POMGNT1: variants seen among roughly 807,000 people sequenced by gnomAD.
The protein encoded by POMGNT1 is protein O-linked-mannose beta-1,2-N-acetylglucosaminyltransferase 1.
POMGNT1 carries 67 observed loss-of-function variants against 95.6 expected under a neutral mutation model. The ratio of observed to expected loss-of-function variants is 0.70; its 90% confidence interval spans 0.58 to 0.86. POMGNT1 has a LOEUF of 0.86. Among genes scored for constraint, POMGNT1 ranks in the 40% least tolerant of loss-of-function variants. The probability of loss-of-function intolerance (pLI) is 0.00; values close to 1 mark genes in which losing one functional copy is unlikely to be tolerated. For synonymous variants in POMGNT1, 298 were observed against 317.9 expected, an observed-to-expected ratio of 0.94 and a Z score of 0.66; for missense variants, 719 against 855.2, an observed-to-expected ratio of 0.84 and a Z score of 1.99.
At chr1:46,217,540 A>AGGGGAGT (rs1659104157) in intron 1 of POMGNT1, among the ~76,000 whole-genome samples, 1 of 152,130 alleles carries the variant, frequency 6.6e-6, no homozygotes, top group African/African-American at 2.4e-5. Context: ...TCTGTATGGC[A>AGGGGAGT]GGGGAGTGGG....
chr1:46,212,253 A>G (rs1318448794), intron 1 of POMGNT1, among the ~76,000 whole-genome samples: 1 of 151,904 alleles, frequency 6.6e-6, no homozygotes, highest in Non-Finnish European at 1.5e-5. Flanking sequence ...TCAATGTCAG[A>G]CCATGTATAA....
At chr1:46,210,272 G>C (rs1267571086) in intron 1 of POMGNT1, among the ~76,000 whole-genome samples, 1 of 152,058 alleles carries the variant, frequency 6.6e-6, no homozygotes, top group African/African-American at 2.4e-5. Flanking sequence ...AACTGTGTGT[G>C]TGTGTTTTTT....
chr1:46,190,041 G>A lies in POMGNT1; in HGVS notation c.1650-52C>T, dbSNP rs560169114. ...CCAAGACAGGGCCCACTTCATGGGTGTGTCCCACAGGACCCTGTACTTGGT... is the reference window on the plus strand; with the variant it reads ...CCAAGACAGGGCCCACTTCATGGGTATGTCCCACAGGACCCTGTACTTGGT... On this transcript the variant is annotated intron_variant, in intron 19 of 21. Transcript: ENST00000371984. The A allele has an allele frequency of 3.1e-6, 5 of 1,604,686 alleles. No homozygotes were observed. The East Asian group carries it at 6.7e-5, about 22-fold the overall frequency.
rs1557674387 is a variant in POMGNT1, at chr1:46,193,931, G to A, written c.880-6C>T. On this transcript the variant is annotated splice_polypyrimidine_tract_variant and splice_region_variant and intron_variant, in intron 9 of 21. Coordinates refer to ENST00000371984, the MANE Select transcript of POMGNT1 (RefSeq NM_017739.4). Reference sequence around the variant, plus strand: ...AGGACCTTGTTGTCTGGGAGCTGTGGGAGAAATAGCGTTTAGCTCTTGCCT... The same window carrying A: ...AGGACCTTGTTGTCTGGGAGCTGTGAGAGAAATAGCGTTTAGCTCTTGCCT... 2 of 1,614,098 alleles carry A rather than the reference G, an allele frequency of 1.2e-6. No individual in the cohort carries two copies. Among genetic ancestry groups the A allele is most frequent in the Middle Eastern group, 1.7e-4 (1 of 6,060 alleles).
intron 2 of POMGNT1, chr1:46,197,501 G>T: frequency 1.3e-6 from 2 of 1,494,756 alleles, no homozygotes; most frequent in Non-Finnish European, 1.8e-6. Flanking sequence ...CAGAAGCTTA[G>T]AAGTTGTACT....
In POMGNT1 at chr1:46,193,335, G is replaced by T; in HGVS notation, c.1080C>A (p.Pro360=). 6.2e-7 allele frequency: 1 copy of T among 1,613,682 alleles called. No homozygotes were observed. The highest frequency in any genetic ancestry group is 8.5e-7 in the Non-Finnish European group (1 of 1,179,826). The part of the protein sequence containing the change: ...LFGLRGIQHT[P]ISIKNARVSQ... ...ACACGCGGGCATTCTTGATGCTGAT[G>T]GGAGTATGCTGGATGCCCCTCAGAC... is the stretch of plus-strand genomic sequence containing the variant. Residue 360 remains proline (P), a synonymous_variant, in exon 12 of 22, where the codon CCC becomes CCA. Transcript: ENST00000371984.
rs770989782 is a variant in POMGNT1, at chr1:46,192,215, A to G, written c.1422T>C (p.Asp474=). 1.7e-5 allele frequency: 27 copies of G among 1,614,032 alleles called. No individual in the cohort carries two copies. Among genetic ancestry groups the G allele is most frequent in the South Asian group, 4.4e-5 (4 of 91,090 alleles). Residue 474 remains aspartate (D), a synonymous_variant, in exon 17 of 22, where the codon GAT becomes GAC. Transcript: ENST00000371984. ...PKWPTPEKLW[D]WDMWMRMPEQ... is the part of the protein sequence containing the mutation. The stretch of plus-strand genomic sequence containing the variant: ...CAGGCATCCGCATCCACATGTCCCA[A>G]TCCCAGAGCTGGCAGACATGGACCA...
At chr1:46,216,660 C>T (rs1281795928) in intron 1 of POMGNT1, among the ~76,000 whole-genome samples, 1 of 151,990 alleles carries the variant, frequency 6.6e-6, no homozygotes, top group African/African-American at 2.4e-5. Flanking sequence ...ATTTTAGATT[C>T]GGAGGGGGGT....
At chr1:46,215,021 T>C (rs760808509) in intron 1 of POMGNT1, among the ~76,000 whole-genome samples, 3 of 151,580 alleles carry the variant, frequency 2.0e-5, no homozygotes, top group African/African-American at 7.3e-5. Context: ...GGTCAGGAGA[T>C]TGAAACCATC....
rs749131264 is a variant in POMGNT1 at position 46,195,929 on chromosome 1, C to T, written c.421-5G>A. 9 of 1,613,988 alleles carry T rather than the reference C, an allele frequency of 5.6e-6. No homozygotes were observed. In the East Asian group the frequency reaches 1.1e-4, roughly 20 times the overall value. On this transcript the variant is annotated splice_polypyrimidine_tract_variant and splice_region_variant and intron_variant, in intron 5 of 21. Transcript: ENST00000371984. The stretch of plus-strand genomic sequence containing the variant: ...ACGTTTTGCCATCACGTGGCCCTGG[C>T]AGGGGATATACTTCTGGTGAGTTGG...
At chr1:46,218,829 C>G (rs1659144554) in intron 1 of POMGNT1, among the ~76,000 whole-genome samples, 1 of 151,916 alleles carries the variant, frequency 6.6e-6, no homozygotes, top group South Asian at 2.1e-4. Flanking sequence ...TCTGGCCAAC[C>G]CTTTCCCCTC....
At chr1:46,213,834 A>G (rs1658978222) in intron 1 of POMGNT1, among the ~76,000 whole-genome samples, 1 of 152,094 alleles carries the variant, frequency 6.6e-6, no homozygotes, top group Admixed American at 6.6e-5. Flanking sequence ...AGAGTGGTAT[A>G]ATATGGGGAA....
intron 10 of POMGNT1, 53 bp downstream of exon 10, chr1:46,193,802 T>C: frequency 6.2e-7 from 1 of 1,610,246 alleles, no homozygotes; most frequent in South Asian, 1.1e-5. Context: ...TGGAGGTAGA[T>C]GACCTAAGCA....
chr1:46,197,351 G>A (rs1245270191), intron 2 of POMGNT1: 1 of 1,481,892 alleles, frequency 6.7e-7, no homozygotes, highest in African/African-American at 1.4e-5. Context: ...GATTTCCTTG[G>A]TCCCCTCCAT....
In POMGNT1 at chr1:46,195,930, A is replaced by G; in HGVS notation, c.421-6T>C. 6.2e-7 allele frequency: 1 copy of G among 1,614,144 alleles called. No homozygotes were observed. Among genetic ancestry groups the G allele is most frequent in the Non-Finnish European group, 8.5e-7 (1 of 1,180,010 alleles). On this transcript the variant is annotated splice_polypyrimidine_tract_variant and splice_region_variant and intron_variant, in intron 5 of 21. Coordinates refer to ENST00000371984, the MANE Select transcript of POMGNT1 (RefSeq NM_017739.4). Reference sequence around the variant, plus strand: ...CGTTTTGCCATCACGTGGCCCTGGCAGGGGATATACTTCTGGTGAGTTGGT... The same window carrying G: ...CGTTTTGCCATCACGTGGCCCTGGCGGGGGATATACTTCTGGTGAGTTGGT...
chr1:46,213,188 G>A (rs916085515), intron 1 of POMGNT1, among the ~76,000 whole-genome samples: 5 of 151,086 alleles, frequency 3.3e-5, no homozygotes, highest in South Asian at 2.1e-4. Flanking sequence ...GTCATCATAC[G>A]ACCAAAACAT....
At chr1:46,204,289 C>T (rs1658644553) in intron 1 of POMGNT1, among the ~76,000 whole-genome samples, 1 of 152,206 alleles carries the variant, frequency 6.6e-6, no homozygotes, top group Non-Finnish European at 1.5e-5. Context: ...ATATTTGGAT[C>T]TCATCTGTAC....
At position 46,189,807 on chromosome 1, in the gene POMGNT1, T is replaced by C. The variant is rs201277496; in HGVS notation, c.1785+47A>G. On this transcript the variant is annotated intron_variant, in intron 20 of 21. Transcript: ENST00000371984. The stretch of plus-strand genomic sequence containing the variant: ...GCTCCCTGGATCTTGGGGCAGTATG[T>C]GTGTGAGGGGGAGGGGTTCTCCAGG... The C allele has an allele frequency of 5.3e-5, 86 of 1,611,758 alleles. No homozygotes were observed. In the African/African-American group the frequency reaches 1.0e-3, roughly 19 times the overall value.
intron 11 of POMGNT1, 32 bp from the exon 12 acceptor site, chr1:46,193,420 G>A (rs1468231339): frequency 7.5e-6 from 12 of 1,607,326 alleles, no homozygotes; most frequent in South Asian, 1.1e-5. Flanking sequence ...CACCATGTGA[G>A]GTCACTTTCC....
Sources: gnomAD v4.1 joint callset for allele counts (sites outside exome capture counted in the v4.1 genomes callset) on GRCh38, gnomAD v4.1.1 for gene constraint, MANE v1.5 for transcripts, NCBI Gene and HGNC (gene_info 2026-07-23, HGNC 2026-07-21) for gene names.